HERC1: variants seen among roughly 807,000 people sequenced by gnomAD.
HERC1 encodes the protein probable E3 ubiquitin-protein ligase HERC1.
HERC1 carries 160 observed loss-of-function variants against 554.3 expected under a neutral mutation model. The ratio of observed to expected loss-of-function variants is 0.29; its 90% CI spans 0.25 to 0.33. HERC1 has a LOEUF of 0.33. Ranked by LOEUF, HERC1 falls within the 10% of genes least tolerant of loss-of-function variation. HERC1 has a pLI of 1.00. For synonymous variants in HERC1, 2,175 were observed against 2,131.7 expected, an observed-to-expected ratio of 1.02 and a Z score of -0.56; for missense variants, 4,919 against 5,918.5, an observed-to-expected ratio of 0.83 and a Z score of 5.54.
At chr15:63,640,041 G>A in intron 61 of HERC1, 111 bp downstream of exon 61, 2 of 1,022,562 alleles carry the variant, frequency 2.0e-6, no homozygotes, top group Non-Finnish European at 2.9e-6. Context: ...TTCTCTTAAG[G>A]GTATCCTTCT....
intron 1 of HERC1, among the ~76,000 whole-genome samples, chr15:63,825,412 T>A (rs1007602317): frequency 5.9e-5 from 9 of 152,216 alleles, no homozygotes; most frequent in Admixed American, 2.6e-4. Context: ...AAAGTAACTA[T>A]GTGAGATGAT....
Position 63,727,157 on chromosome 15 carries a change from T to A in HERC1, c.3346+490A>T, listed in dbSNP as rs902473277. ...TGGACGTGGTGGTGCATGCCTGTAATCCCAGCTACTCAGGAGGTTGAGCCA... is the reference window on the plus strand; with the variant it reads ...TGGACGTGGTGGTGCATGCCTGTAAACCCAGCTACTCAGGAGGTTGAGCCA... On this transcript the variant is annotated intron_variant, in intron 17 of 77. Coordinates refer to ENST00000443617, the MANE Select transcript of HERC1 (RefSeq NM_003922.4). The surrounding 1 kb of genome is among the most constrained non-coding windows in gnomAD (Gnocchi z 4.3). 1.1e-4 allele frequency among the ~76,000 whole-genome samples: 17 copies of A among 152,152 alleles called. No homozygotes were observed. Among genetic ancestry groups the A allele is most frequent in the African/African-American group, 4.1e-4 (17 of 41,486 alleles).
Position 63,626,168 on chromosome 15 carries a change from A to T in HERC1, c.13106-14T>A. On this transcript the variant is annotated splice_polypyrimidine_tract_variant and intron_variant, in intron 70 of 77. Coordinates refer to ENST00000443617, the MANE Select transcript of HERC1 (RefSeq NM_003922.4). ...GTACTGACACACCTGTCCAGAAAGCAAATGGGCACTTATGAAGGAAACAGC... is the reference window on the plus strand; with the variant it reads ...GTACTGACACACCTGTCCAGAAAGCTAATGGGCACTTATGAAGGAAACAGC... 1 of 1,609,238 alleles carries T rather than the reference A, an allele frequency of 6.2e-7. No individual in the cohort carries two copies. Among genetic ancestry groups the T allele is most frequent in the Non-Finnish European group, 8.5e-7 (1 of 1,178,776 alleles).
rs1232947817 is a variant in HERC1 at position 63,677,345 on chromosome 15, T to C, written c.7070+500A>G. Among the ~76,000 whole-genome samples, 1 of 152,210 alleles carries C rather than the reference T, an allele frequency of 6.6e-6. No individual in the cohort carries two copies. Among genetic ancestry groups the C allele is most frequent in the Non-Finnish European group, 1.5e-5 (1 of 68,036 alleles). The stretch of plus-strand genomic sequence containing the variant: ...TCACATCTAATCAAAATGTTTACAT[T>C]GAGGGGATAGAAATATGTGGTTTTA... On this transcript the variant is annotated intron_variant, in intron 37 of 77. Coordinates refer to ENST00000443617, the MANE Select transcript of HERC1 (RefSeq NM_003922.4). The surrounding 1 kb of genome is among the most constrained non-coding windows in gnomAD (Gnocchi z 4.4).
chr15:63,651,401 A>G (rs1290786254), intron 52 of HERC1, 21 bp from the exon 53 acceptor site: 27 of 1,607,266 alleles, frequency 1.7e-5, no homozygotes, highest in Non-Finnish European at 2.2e-5. Flanking sequence ...ACAGACAGAT[A>G]TGCAGTTCTA....
chr15:63,802,199 ATGAT>A (rs1280998916), intron 1 of HERC1, among the ~76,000 whole-genome samples: 2 of 152,210 alleles, frequency 1.3e-5, no homozygotes, highest in Non-Finnish European at 2.9e-5. Context: ...ATTCAGCTGA[ATGAT>A]TGATGTTGGT....
intron 2 of HERC1, among the ~76,000 whole-genome samples, chr15:63,770,387 C>A (rs951105050): frequency 6.6e-6 from 1 of 152,210 alleles, no homozygotes; most frequent in Admixed American, 6.5e-5. Context: ...TTTGAAATGT[C>A]TGTGCATCCC....
At position 63,734,706 on chromosome 15, in the gene HERC1, C is replaced by A; in HGVS notation, c.2646+18G>T. 1.3e-6 allele frequency: 2 copies of A among 1,519,832 alleles called. No homozygotes were observed. Among genetic ancestry groups the A allele is most frequent in the Non-Finnish European group, 8.8e-7 (1 of 1,142,404 alleles). 94.1% of individuals were successfully genotyped at this position (1,519,832 alleles called of 1,614,324 possible). ...TTAGGATACTACTGGTTTACTTACA[C>A]AGCAAGCAAAGGCCTACCTGTCCTT... is the stretch of plus-strand genomic sequence containing the variant. On this transcript the variant is annotated intron_variant, in intron 13 of 77. Transcript: ENST00000443617. The surrounding 1 kb of genome is among the most constrained non-coding windows in gnomAD (Gnocchi z 4.6).
At position 63,694,411 on chromosome 15, in the gene HERC1, T is replaced by C. The variant is rs751206032; in HGVS notation, c.5381A>G (p.Gln1794Arg). The C allele has an allele frequency of 4.3e-6, 7 of 1,613,886 alleles. No homozygotes were observed. The highest frequency in any genetic ancestry group is 3.3e-5 in the Admixed American group (2 of 59,998). The change falls in exon 29 of 78, where the codon CAG becomes CGG. Residue 1794 changes from glutamine (Q) to arginine (R), a missense_variant. By Grantham distance (43) the Gln-to-Arg change is conservative. Around this residue, in one of 11 missense-constraint regions of HERC1, gnomAD observed 1,121 missense variants for 1,244.0 expected, o/e 0.90. Transcript: ENST00000443617. This position sits in a 1 kb window ranked among gnomAD's most constrained non-coding sequence, Gnocchi z 4.3. ...QLCGTDTMLGQPLQLLPKTGV... is the reference protein window; with the variant it reads ...QLCGTDTMLGRPLQLLPKTGV... ...CGTCTTTGGCAACAACTGCAGGGGC[T>C]GTCCTAGCATGGTGTCTGTACCACA...
At chr15:63,698,286 C>T (rs377061817) in intron 26 of HERC1, among the ~76,000 whole-genome samples, 8 of 151,916 alleles carry the variant, frequency 5.3e-5, no homozygotes, top group Non-Finnish European at 8.8e-5. Flanking sequence ...AGCATGGTGG[C>T]GCATGCCTAT....
At chr15:63,822,167 A>C (rs74019039) in intron 1 of HERC1, among the ~76,000 whole-genome samples, 4,179 of 152,254 alleles carry the variant, frequency 0.027, 74 homozygotes, top group African/African-American at 0.053. Flanking sequence ...CCGGTCAGGG[A>C]ATACGGATAG....
At chr15:63,732,510 T>C (rs2074339198) in intron 14 of HERC1, among the ~76,000 whole-genome samples, 1 of 152,194 alleles carries the variant, frequency 6.6e-6, no homozygotes, top group Admixed American at 6.5e-5. Context: ...ACTAGAGATT[T>C]AGAATTAATG....
chr15:63,674,428 G>T lies in HERC1; in HGVS notation c.7760C>A (p.Ala2587Asp). 1 of 1,613,840 alleles carries T rather than the reference G, an allele frequency of 6.2e-7. No homozygotes were observed. Among genetic ancestry groups the T allele is most frequent in the South Asian group, 1.1e-5 (1 of 91,076 alleles). The change falls in exon 38 of 78, where the codon GCT becomes GAT. Residue 2587 changes from alanine (A) to aspartate (D), a missense_variant. Transcript: ENST00000443617. ...RSPIKRALGLADLERAQAMIY... is the reference protein window; with the variant it reads ...RSPIKRALGLDDLERAQAMIY... Reference sequence around the variant, plus strand: ...CATGGCTTGCGCTCGTTCCAGATCAGCTAATCCCAATGCTCTCTTTATGGG... The same window carrying T: ...CATGGCTTGCGCTCGTTCCAGATCATCTAATCCCAATGCTCTCTTTATGGG...
rs1428297144 is a variant in HERC1 at position 63,694,010 on chromosome 15, T to C, written c.5628A>G (p.Glu1876=). Residue 1876 remains glutamate (E), a synonymous_variant, in exon 30 of 78, where the codon GAA becomes GAG. Coordinates refer to ENST00000443617, the MANE Select transcript of HERC1 (RefSeq NM_003922.4). This position sits in a 1 kb window ranked among gnomAD's most constrained non-coding sequence, Gnocchi z 4.3. ...EGEQEDGEEE[E]KKVDSSGETE... ...TTTCTCCACTGGAGTCAACTTTTTTTTCTTCTTCTTCACCGTCTTCTTGCT... is the reference window on the plus strand; with the variant it reads ...TTTCTCCACTGGAGTCAACTTTTTTCTCTTCTTCTTCACCGTCTTCTTGCT... The C allele has an allele frequency of 5.1e-6, 8 of 1,565,662 alleles. No individual in the cohort carries two copies. Among genetic ancestry groups the C allele is most frequent in the Admixed American group, 1.9e-5 (1 of 52,244 alleles).
At chr15:63,765,306 T>G (rs2075739937) in intron 2 of HERC1, among the ~76,000 whole-genome samples, 1 of 151,940 alleles carries the variant, frequency 6.6e-6, no homozygotes, top group Non-Finnish European at 1.5e-5. Flanking sequence ...GCCCTCAATA[T>G]CACCTTTGGA....
chr15:63,639,052 A>G lies in HERC1; in HGVS notation c.11902-276T>C, dbSNP rs571086266. ...TCTGAACACCCACAGGTACAAGGTCATGTGGAGGACCCCACACCCCTGTAA... is the reference window on the plus strand; with the variant it reads ...TCTGAACACCCACAGGTACAAGGTCGTGTGGAGGACCCCACACCCCTGTAA... On this transcript the variant is annotated intron_variant, in intron 61 of 77. Transcript: ENST00000443617. 2.8e-4 allele frequency among the ~76,000 whole-genome samples: 43 copies of G among 152,320 alleles called. No homozygotes were observed. The East Asian group carries it at 8.1e-3, about 29-fold the overall frequency.
At chr15:63,628,194 C>T (rs2068386703) in intron 70 of HERC1, among the ~76,000 whole-genome samples, 1 of 152,128 alleles carries the variant, frequency 6.6e-6, no homozygotes, top group South Asian at 2.1e-4. Context: ...AATTTGAGAC[C>T]AGCCTGGCCA....
chr15:63,697,822 C>T (rs571158943), intron 26 of HERC1, among the ~76,000 whole-genome samples: 4 of 152,290 alleles, frequency 2.6e-5, no homozygotes, highest in South Asian at 2.1e-4. Context: ...ATTTTATCTC[C>T]TTCCTATAGC....
chr15:63,783,181 C>T (rs929843736), intron 1 of HERC1, among the ~76,000 whole-genome samples: 1 of 152,156 alleles, frequency 6.6e-6, no homozygotes, highest in East Asian at 1.9e-4. Flanking sequence ...GGGTAAAATG[C>T]TATCAAACAA....
Sources: gnomAD v4.1 joint callset for allele counts (sites outside exome capture counted in the v4.1 genomes callset) on GRCh38, gnomAD v4.1.1 for gene constraint, gnomAD v4.1.1 regional missense constraint, Gnocchi (gnomAD v3.1) non-coding constraint, MANE v1.5 for transcripts, NCBI Gene and HGNC (gene_info 2026-07-23, HGNC 2026-07-21) for gene names.